The following CEP85L variants were observed in gnomAD, a reference collection of about 807,000 sequenced individuals.
The protein encoded by CEP85L is centrosomal protein of 85 kDa-like.
A neutral mutation model predicts 100.3 loss-of-function variants in CEP85L; 60 were observed. The ratio of observed to expected loss-of-function variants is 0.60; its 90% CI spans 0.49 to 0.74. CEP85L has a LOEUF of 0.74. CEP85L is among the 30% of genes least tolerant of loss of function. The probability of loss-of-function intolerance (pLI) is 0.00; values close to 1 mark genes in which losing one functional copy is unlikely to be tolerated. For missense variants in CEP85L, 973 were observed against 936.2 expected, an observed-to-expected ratio of 1.04 and a Z score of -0.51; for synonymous variants, 319 against 322.7, an observed-to-expected ratio of 0.99 and a Z score of 0.12.
chr6:118,499,437 G>A (rs1212480633), intron 5 of CEP85L, among the ~76,000 whole-genome samples: 2 of 151,942 alleles, frequency 1.3e-5, no homozygotes, highest in Non-Finnish European at 2.9e-5. Flanking sequence ...AGGCTGAGGC[G>A]GGTGGATCAC....
intron 1 of CEP85L, among the ~76,000 whole-genome samples, chr6:118,681,381 A>T (rs1312918078): frequency 6.6e-6 from 1 of 152,204 alleles, no homozygotes; most frequent in East Asian, 1.9e-4. Flanking sequence ...AGAACTAGAG[A>T]GAGAGATGTA....
chr6:118,520,959 A>G (rs1776630965), intron 4 of CEP85L, among the ~76,000 whole-genome samples: 1 of 151,918 alleles, frequency 6.6e-6, no homozygotes, highest in Non-Finnish European at 1.5e-5. Flanking sequence ...TATTTTTCCC[A>G]TTTTCTCTGC....
chr6:118,536,728 A>T (rs1286330123), intron 3 of CEP85L, among the ~76,000 whole-genome samples: 1 of 152,176 alleles, frequency 6.6e-6, no homozygotes, highest in African/African-American at 2.4e-5. Context: ...GAATGCATGG[A>T]TGAAGAATGA....
At chr6:118,574,525 T>C (rs1780102278) in intron 2 of CEP85L, among the ~76,000 whole-genome samples, 2 of 152,218 alleles carry the variant, frequency 1.3e-5, no homozygotes, top group Non-Finnish European at 2.9e-5. Flanking sequence ...ATCTGGGATA[T>C]CATTCTCCTC....
At chr6:118,647,152 T>C in intron 1 of CEP85L, 1 of 745,034 alleles carries the variant, frequency 1.3e-6, no homozygotes, top group Non-Finnish European at 1.6e-6. Flanking sequence ...ACAATATTAT[T>C]AGTTGTAACC....
At chr6:118,571,550 A>G (rs1210996540) in intron 2 of CEP85L, among the ~76,000 whole-genome samples, 1 of 152,186 alleles carries the variant, frequency 6.6e-6, no homozygotes, top group Non-Finnish European at 1.5e-5. Context: ...ATTAAATGAA[A>G]ACATTGATTC....
intron 2 of CEP85L, among the ~76,000 whole-genome samples, chr6:118,609,970 C>T (rs529033379): frequency 1.3e-5 from 2 of 151,598 alleles, no homozygotes; most frequent in East Asian, 1.9e-4. Flanking sequence ...GGAAACATTT[C>T]TAGGGAAAAA....
At chr6:118,558,751 G>C (rs1315180044) in intron 3 of CEP85L, 2 of 655,274 alleles carry the variant, frequency 3.1e-6, no homozygotes, top group Non-Finnish European at 5.5e-6. Flanking sequence ...ATGAATTAGT[G>C]TAAAATTGTA....
chr6:118,640,004 T>C (rs139812919), intron 1 of CEP85L, among the ~76,000 whole-genome samples: 1 of 152,348 alleles, frequency 6.6e-6, no homozygotes, highest in East Asian at 1.9e-4. Flanking sequence ...AATGCAGCTT[T>C]TTTTAAGGTA....
intron 1 of CEP85L, among the ~76,000 whole-genome samples, chr6:118,633,208 CT>C (rs35254375): frequency 6.5e-4 from 94 of 144,530 alleles, no homozygotes; most frequent in African/African-American, 1.2e-3. Flanking sequence ...CTTGATTTGT[CT>C]TTTTTTTTTT....
Position 118,632,450 on chromosome 6 carries a change from C to T in CEP85L, c.232+3G>A, listed in dbSNP as rs754052089. On this transcript the variant is annotated splice_donor_region_variant and intron_variant, in intron 2 of 12. Transcript: ENST00000368491. ...TATATAAACAATAAGAATTTTAGCT[C>T]ACCTTCCACGCTATCAGAACAGGAA... is the stretch of plus-strand genomic sequence containing the variant. 1 of 1,582,492 alleles carries T rather than the reference C, an allele frequency of 6.3e-7. No individual in the cohort carries two copies. The highest frequency in any genetic ancestry group is 1.9e-5 in the Admixed American group (1 of 53,594).
chr6:118,598,775 T>C (rs1348728556), intron 2 of CEP85L, among the ~76,000 whole-genome samples: 1 of 152,178 alleles, frequency 6.6e-6, no homozygotes, highest in Non-Finnish European at 1.5e-5. Flanking sequence ...GGTAATTTGT[T>C]ATAGCAGCCC....
chr6:118,462,351 T>C lies in CEP85L; in HGVS notation c.*3054A>G, dbSNP rs999875373. On this transcript the variant is annotated 3_prime_UTR_variant, in exon 13 of 13. Coordinates refer to ENST00000368491, the MANE Select transcript of CEP85L (RefSeq NM_001042475.3). The stretch of plus-strand genomic sequence containing the variant: ...GGCCACTGAAAATTAATAGTTCAAA[T>C]TAAGCCATTTTACTTTTCTGAGCTC... The C allele has an allele frequency of 2.0e-5, 3 of 152,006 alleles. No individual in the cohort carries two copies. Among genetic ancestry groups the C allele is most frequent in the Admixed American group, 6.6e-5 (1 of 15,258 alleles). The allele number at this position is 152,006 out of a possible 1,614,324, so 9.4% of individuals were successfully genotyped here. A position where few individuals can be genotyped will look rare whatever the true frequency, so the allele number is the denominator to read the frequency against.
chr6:118,686,610 T>C (rs2114285974), intron 1 of CEP85L, among the ~76,000 whole-genome samples: 1 of 152,322 alleles, frequency 6.6e-6, no homozygotes, highest in South Asian at 2.1e-4. Flanking sequence ...GTTTTTCCAT[T>C]CACTAGCTGA....
In CEP85L at chr6:118,481,863, T is replaced by C; in HGVS notation, c.1661A>G (p.Glu554Gly). ...TTTATCTTGACACTGCTTTTTGATC[T>C]CTTCAAGTTTTTTTTCTGTATCTAT... is the stretch of plus-strand genomic sequence containing the variant. ...ALIDTEKKLE[E>G]IKKQCQDKET... The change falls in exon 8 of 13, where the codon GAG becomes GGG. Residue 554 changes from glutamate to glycine, a missense_variant. Glu to Gly is a moderately conservative substitution (Grantham distance 98). Coordinates refer to ENST00000368491, the MANE Select transcript of CEP85L (RefSeq NM_001042475.3). The C allele has an allele frequency of 6.3e-7, 1 of 1,593,278 alleles. No individual in the cohort carries two copies. The highest frequency in any genetic ancestry group is 8.6e-7 in the Non-Finnish European group (1 of 1,167,590).
chr6:118,681,355 G>A (rs1202830428), intron 1 of CEP85L, among the ~76,000 whole-genome samples: 2 of 152,120 alleles, frequency 1.3e-5, no homozygotes, highest in Non-Finnish European at 2.9e-5. Context: ...GAGGAGTTGA[G>A]AAGTAGTTCC....
rs139304242 is a variant in CEP85L, at chr6:118,569,859, A to G, written c.233-3543T>C. 3.3e-4 allele frequency among the ~76,000 whole-genome samples: 51 copies of G among 152,240 alleles called. 1 individual carries two copies. The East Asian group carries it at 9.6e-3, about 29-fold the overall frequency. ...AAGTAAATAAACAAGAAACACAACT[A>G]GAGAATATATATTTTTTAAAAATCC... On this transcript the variant is annotated intron_variant, in intron 2 of 12. Coordinates refer to ENST00000368491, the MANE Select transcript of CEP85L (RefSeq NM_001042475.3).
At chr6:118,654,846 C>A (rs1775735057), upstream of CEP85L, among the ~76,000 whole-genome samples, 1 of 152,022 alleles carries the variant, frequency 6.6e-6, no homozygotes, top group Non-Finnish European at 1.5e-5. Flanking sequence ...ATGTGTACAT[C>A]CTATATTGGT....
At chr6:118,708,436 T>C (rs1436068257) in intron 1 of CEP85L, among the ~76,000 whole-genome samples, 1 of 152,236 alleles carries the variant, frequency 6.6e-6, no homozygotes, top group African/African-American at 2.4e-5. Context: ...AGGGAAAAGA[T>C]AACCCATAAA....
Sources: allele counts gnomAD v4.1 joint callset (sites outside exome capture counted in the v4.1 genomes callset), GRCh38; gene constraint gnomAD v4.1.1; transcripts MANE v1.5; gene names NCBI Gene and HGNC (gene_info 2026-07-23, HGNC 2026-07-21).